NANOS3: variants seen among roughly 807,000 people sequenced by gnomAD.
NANOS3 encodes the protein nanos C2HC-type zinc finger 3.
A neutral mutation model predicts 13.8 loss-of-function variants in NANOS3; 11 were observed. The observed-to-expected ratio is 0.80, with a 90% confidence interval of 0.50 to 1.32. NANOS3 has a LOEUF of 1.32. NANOS3 is among the 40% of genes most tolerant of loss of function. The pLI is 0.00. For synonymous variants in NANOS3, 119 were observed against 115.4 expected (o/e 1.03, Z -0.20); for missense variants, 221 against 263.8 (o/e 0.84, Z 1.12).
At chr19:13,874,769 C>A (rs757723823), upstream of NANOS3, 1 of 534,290 alleles carries the variant, frequency 1.9e-6, no homozygotes, top group African/African-American at 1.9e-5. Flanking sequence ...GGCAAACCAT[C>A]GACCGTTGAG....
chr19:13,869,175 A>T (rs60709825), intron 1 of NANOS3, among the ~76,000 whole-genome samples: 13,199 of 151,996 alleles, frequency 0.087, 743 homozygotes, highest in African/African-American at 0.16. Context: ...TTATTAAAAA[A>T]TTTTTTTAAT....
chr19:13,871,030 C>T (rs762163990), intron 1 of NANOS3, among the ~76,000 whole-genome samples: 5 of 151,766 alleles, frequency 3.3e-5, no homozygotes, highest in Non-Finnish European at 7.4e-5. Context: ...TGAAAGACAC[C>T]CCTACCCCCC....
At chr19:13,874,914 T>G (rs776351139), upstream of NANOS3, 1 of 529,226 alleles carries the variant, frequency 1.9e-6, no homozygotes, top group East Asian at 5.5e-5. Flanking sequence ...ACAATCAACA[T>G]TCATTGTTGT....
upstream of NANOS3, among the ~76,000 whole-genome samples, chr19:13,876,991 C>T (rs935972296): frequency 3.9e-5 from 6 of 152,158 alleles, no homozygotes; most frequent in African/African-American, 1.4e-4. Flanking sequence ...TCCCCCGGCA[C>T]AGCCAGAGGC....
chr19:13,871,763 T>G (rs1298298250), intron 1 of NANOS3, among the ~76,000 whole-genome samples: 1 of 152,186 alleles, frequency 6.6e-6, no homozygotes, highest in Non-Finnish European at 1.5e-5. Context: ...ATCCCAGAAC[T>G]TTGGGAGGCC....
At chr19:13,866,985 T>G (rs909125992) in intron 1 of NANOS3, among the ~76,000 whole-genome samples, 1 of 152,184 alleles carries the variant, frequency 6.6e-6, no homozygotes, top group Non-Finnish European at 1.5e-5. Context: ...TATTTTGAGA[T>G]GGAGTCTCTC....
chr19:13,869,557 T>A (rs369639038), intron 1 of NANOS3, among the ~76,000 whole-genome samples: 9 of 150,872 alleles, frequency 6.0e-5, no homozygotes, highest in African/African-American at 2.2e-4. Context: ...GAGGGTGGGG[T>A]GGGAACCTCA....
chr19:13,873,810 CAG>C (rs1355214810), upstream of NANOS3, among the ~76,000 whole-genome samples: 1 of 151,606 alleles, frequency 6.6e-6, no homozygotes, highest in African/African-American at 2.4e-5. Flanking sequence ...AGACCCAGGT[CAG>C]GGGCGAAGGC....
upstream of NANOS3, among the ~76,000 whole-genome samples, chr19:13,874,446 T>G (rs779805571): frequency 1.8e-4 from 28 of 152,194 alleles, no homozygotes; most frequent in Non-Finnish European, 3.7e-4. Flanking sequence ...AGGATCACTT[T>G]GTGAATTACT....
In NANOS3 at chr19:13,877,308, G is replaced by T. The variant is rs1441592615; in HGVS notation, c.60G>T (p.Leu20=). The change falls in exon 1 of 2, where the codon CTG becomes CTT. Residue 20 remains leucine, a synonymous_variant. Transcript: ENST00000339133. ...YLGLAHLVRA[L]SGKEGPETRL... ...GTTTGGCACACCTGGTTAGGGCTCT[G>T]AGTGGGAAAGAGGGTCCTGAAACCA... 2.2e-5 allele frequency: 35 copies of T among 1,613,096 alleles called. No homozygotes were observed. Among genetic ancestry groups the T allele is most frequent in the Non-Finnish European group, 3.0e-5 (35 of 1,180,012 alleles).
chr19:13,873,545 T>C (rs1599302073), upstream of NANOS3, among the ~76,000 whole-genome samples: 1 of 152,170 alleles, frequency 6.6e-6, no homozygotes, highest in East Asian at 1.9e-4. Flanking sequence ...CACGGCTCAC[T>C]GCAGCCTCGA....
Position 13,877,355 on chromosome 19 carries a change from C to T in NANOS3, c.107C>T (p.Pro36Leu). The T allele has an allele frequency of 6.2e-7, 1 of 1,612,684 alleles. No homozygotes were observed. Among genetic ancestry groups the T allele is most frequent in the Non-Finnish European group, 8.5e-7 (1 of 1,179,994 alleles). The change falls in exon 1 of 2, where the codon CCA (proline) becomes CTA (leucine). Residue 36 changes from proline to leucine, a missense_variant. Pro to Leu is a moderately conservative substitution (Grantham distance 98). Transcript: ENST00000339133. ...ACCAGGCTGAGCCCCCAGCCAGAGC[C>T]AGAGCCAATGCTGGAGCCGGTGTCA... is the stretch of plus-strand genomic sequence containing the variant. ...PETRLSPQPE[P>L]EPMLEPVSAL...
At chr19:13,865,808 C>T (rs1011471192) in intron 1 of NANOS3, among the ~76,000 whole-genome samples, 67 of 148,208 alleles carry the variant, frequency 4.5e-4, no homozygotes, top group Non-Finnish European at 2.5e-4. Flanking sequence ...GCGCCCCGAC[C>T]GCCCGACACC....
At position 13,877,742 on chromosome 19, in the gene NANOS3, G is replaced by A. The variant is rs778371865; in HGVS notation, c.494G>A (p.Arg165His). 1.0e-5 allele frequency: 16 copies of A among 1,580,900 alleles called. No individual in the cohort carries two copies. The highest frequency in any genetic ancestry group is 1.4e-5 in the African/African-American group (1 of 73,776). Residue 165 changes from arginine to histidine, a missense_variant, in exon 1 of 2, where the codon CGC becomes CAC. Transcript: ENST00000339133. ...DKAKTQDTGH[R>H]RGGGGGAGFR... The stretch of plus-strand genomic sequence containing the variant: ...GCGAAGACACAGGACACAGGCCACC[G>A]CCGAGGAGGAGGAGGAGGAGCAGGT...
rs185188938 is a variant in NANOS3, at chr19:13,878,400, A to G, written c.517+635A>G. On this transcript the variant is annotated intron_variant, in intron 1 of 1. Transcript: ENST00000339133. ...ATTACAGGCGCCTGCCACCATGGCC[A>G]GCTAATTTTTGTATTTTTAGTAGAG... Among the ~76,000 whole-genome samples, 757 of 134,168 alleles carry G rather than the reference A, an allele frequency of 5.6e-3. 7 individuals carry two copies. The highest frequency in any genetic ancestry group is 0.02 in the African/African-American group (713 of 35,660). 88.0% of individuals were successfully genotyped at this position (134,168 alleles called of 152,430 possible).
chr19:13,868,462 G>A (rs534084421), intron 1 of NANOS3, among the ~76,000 whole-genome samples: 2 of 151,916 alleles, frequency 1.3e-5, no homozygotes, highest in East Asian at 2.0e-4. Flanking sequence ...AGTGGTTCAC[G>A]CCTGTAATCT....
chr19:13,872,438 C>T (rs1976342878), upstream of NANOS3, among the ~76,000 whole-genome samples: 2 of 152,122 alleles, frequency 1.3e-5, no homozygotes, highest in Admixed American at 6.5e-5. Flanking sequence ...CATCCTCCTG[C>T]CTCCCAACTA....
chr19:13,871,733 C>G (rs545815692), intron 1 of NANOS3, among the ~76,000 whole-genome samples: 1 of 152,202 alleles, frequency 6.6e-6, no homozygotes, highest in Non-Finnish European at 1.5e-5. Context: ...TCCTGTGGGA[C>G]GAGGTGGCTC....
At chr19:13,870,740 T>G (rs532714673) in intron 1 of NANOS3, among the ~76,000 whole-genome samples, 55 of 151,428 alleles carry the variant, frequency 3.6e-4, no homozygotes, top group African/African-American at 7.0e-4. Flanking sequence ...GCTACTTTTT[T>G]TTTGTTTGTT....
Sources: gnomAD v4.1 joint callset for allele counts (sites outside exome capture counted in the v4.1 genomes callset) on GRCh38, gnomAD v4.1.1 for gene constraint, MANE v1.5 for transcripts, NCBI Gene and HGNC (gene_info 2026-07-23, HGNC 2026-07-21) for gene names.